GRIK1: variants seen among roughly 807,000 people sequenced by gnomAD.
The protein encoded by GRIK1 is glutamate ionotropic receptor kainate type subunit 1, also known as glutamate receptor ionotropic, kainate 1.
A neutral mutation model predicts 105.7 loss-of-function variants in GRIK1; 69 were observed. The observed-to-expected ratio is 0.65, with a 90% CI of 0.54 to 0.80. The LOEUF (loss-of-function observed/expected upper bound fraction) is 0.80, where lower values mean the gene tolerates loss of function less well. GRIK1 is among the 30% of genes least tolerant of loss of function. GRIK1 has a pLI of 0.00. For synonymous variants in GRIK1, 438 were observed against 431.3 expected (o/e 1.02, Z -0.19); for missense variants, 1,109 against 1,167.3 (o/e 0.95, Z 0.73).
At chr21:29,701,215 C>T (rs906128260) in intron 1 of GRIK1, among the ~76,000 whole-genome samples, 20 of 152,112 alleles carry the variant, frequency 1.3e-4, no homozygotes, top group African/African-American at 4.3e-4. Context: ...GCAACAGATA[C>T]GCATCTGACT....
chr21:29,702,721 C>T (rs2063836036), intron 1 of GRIK1, among the ~76,000 whole-genome samples: 1 of 152,030 alleles, frequency 6.6e-6, no homozygotes, highest in Non-Finnish European at 1.5e-5. Flanking sequence ...AAAAAACAAA[C>T]AAGAAAACAA....
intron 3 of GRIK1, among the ~76,000 whole-genome samples, chr21:29,678,026 A>G (rs2146666010): frequency 6.6e-6 from 1 of 152,318 alleles, no homozygotes; most frequent in East Asian, 1.9e-4. Context: ...TTGAGTCTTA[A>G]TCCAATTTCC....
At chr21:29,673,231 T>C in intron 3 of GRIK1, 67 bp from the exon 4 acceptor site, 1 of 1,102,606 alleles carries the variant, frequency 9.1e-7, no homozygotes, top group East Asian at 2.4e-5. Context: ...TATTGCCATT[T>C]AGTTAAACTC....
intron 12 of GRIK1, among the ~76,000 whole-genome samples, chr21:29,584,352 G>A (rs1436192094): frequency 6.6e-6 from 1 of 152,034 alleles, no homozygotes; most frequent in Non-Finnish European, 1.5e-5. Flanking sequence ...CCATTTTTAA[G>A]AAGACGAACA....
intron 11 of GRIK1, 25 bp downstream of exon 11, chr21:29,588,814 A>T (rs1894347342): frequency 8.3e-7 from 1 of 1,198,572 alleles, no homozygotes; most frequent in African/African-American, 1.5e-5. Flanking sequence ...ATATTTTCAG[A>T]TATGTTAGAA....
At chr21:29,897,567 A>G (rs1243817379) in intron 1 of GRIK1, among the ~76,000 whole-genome samples, 1 of 152,188 alleles carries the variant, frequency 6.6e-6, no homozygotes, top group Non-Finnish European at 1.5e-5. Context: ...ATTATTAGAA[A>G]ATTTTACATT....
chr21:29,864,826 A>G (rs146574787), intron 1 of GRIK1, among the ~76,000 whole-genome samples: 1 of 152,284 alleles, frequency 6.6e-6, no homozygotes, highest in East Asian at 1.9e-4. Flanking sequence ...ACTTTACCAT[A>G]CAGGAAGCTC....
intron 1 of GRIK1, among the ~76,000 whole-genome samples, chr21:29,902,857 C>G (rs1192204869): frequency 6.6e-6 from 1 of 152,152 alleles, no homozygotes; most frequent in Non-Finnish European, 1.5e-5. Flanking sequence ...AAGCTGGAGG[C>G]ATCACACTAC....
chr21:29,876,622 C>T (rs1296912205), intron 1 of GRIK1, among the ~76,000 whole-genome samples: 1 of 152,148 alleles, frequency 6.6e-6, no homozygotes, highest in African/African-American at 2.4e-5. Context: ...GGATTACACC[C>T]ACGTTATCCT....
At position 29,537,299 on chromosome 21, in the gene GRIK1, C is replaced by T. The variant is rs73897668; in HGVS notation, c.2781G>A (p.Gly927=). Residue 927 remains glycine, a synonymous_variant, in exon 18 of 18, where the codon GGG becomes GGA. Coordinates refer to ENST00000327783, the MANE Select transcript of GRIK1 (RefSeq NM_001330994.2). ...TAAGGATACTTGTGAAGGAAGATTT[C>T]CCCTTAGTTCTTGACTTTTTCTTTA... is the stretch of plus-strand genomic sequence containing the variant. ...KKIKKKSRTK[G]KSSFTSILTC... The T allele has an allele frequency of 2.0e-3, 3,224 of 1,610,680 alleles. 59 individuals are homozygous for T. In the African/African-American group the frequency reaches 0.038, roughly 19 times the overall value.
intron 1 of GRIK1, among the ~76,000 whole-genome samples, chr21:29,843,605 A>G (rs959091481): frequency 2.0e-5 from 3 of 152,136 alleles, no homozygotes; most frequent in Non-Finnish European, 4.4e-5. Flanking sequence ...ATTTTAAAGG[A>G]TTTCTTATTT....
chr21:29,731,214 A>G (rs1039614089), intron 1 of GRIK1, among the ~76,000 whole-genome samples: 3 of 152,192 alleles, frequency 2.0e-5, no homozygotes, highest in African/African-American at 4.8e-5. Context: ...ATGTTTTCCC[A>G]GGTGCTTTTC....
intron 1 of GRIK1, among the ~76,000 whole-genome samples, chr21:29,816,204 A>T (rs1219689046): frequency 1.3e-5 from 2 of 152,124 alleles, no homozygotes. Flanking sequence ...TATAATCAAC[A>T]TAATTAATTA....
intron 1 of GRIK1, among the ~76,000 whole-genome samples, chr21:29,800,347 A>G (rs2066670659): frequency 6.6e-6 from 1 of 152,154 alleles, no homozygotes; most frequent in Non-Finnish European, 1.5e-5. Context: ...TTTCTCCACC[A>G]TGTGTATGCA....
In GRIK1 at chr21:29,673,179, G is replaced by A. The variant is rs375877132; in HGVS notation, c.545-15C>T. The stretch of plus-strand genomic sequence containing the variant: ...ACGAATTAGACCTAGAAAATGACAT[G>A]CAATCATGCAATGGAGACTGTTCTG... On this transcript the variant is annotated splice_polypyrimidine_tract_variant and intron_variant, in intron 3 of 17. Coordinates refer to ENST00000327783, the MANE Select transcript of GRIK1 (RefSeq NM_001330994.2). 4 of 1,536,998 alleles carry A rather than the reference G, an allele frequency of 2.6e-6. No individual in the cohort carries two copies. The highest frequency in any genetic ancestry group is 1.4e-5 in the African/African-American group (1 of 73,478).
At chr21:29,845,806 G>C (rs1328268995) in intron 1 of GRIK1, among the ~76,000 whole-genome samples, 3 of 152,088 alleles carry the variant, frequency 2.0e-5, no homozygotes, top group Non-Finnish European at 4.4e-5. Context: ...TTAGTAGTTT[G>C]TTGAAGAATT....
chr21:29,721,537 T>A (rs1468971727), intron 1 of GRIK1, among the ~76,000 whole-genome samples: 1 of 144,650 alleles, frequency 6.9e-6, no homozygotes, highest in African/African-American at 2.6e-5. Context: ...AAAATGCAAG[T>A]GACTAAAAAG....
At chr21:29,691,763 G>A (rs897725434) in intron 2 of GRIK1, among the ~76,000 whole-genome samples, 2 of 152,192 alleles carry the variant, frequency 1.3e-5, no homozygotes, top group African/African-American at 4.8e-5. Context: ...ATATGGCTCT[G>A]TAGTTACCTG....
intron 1 of GRIK1, among the ~76,000 whole-genome samples, chr21:29,727,323 T>A (rs928736250): frequency 2.6e-5 from 4 of 152,184 alleles, no homozygotes; most frequent in Non-Finnish European, 5.9e-5. Flanking sequence ...GAGTGTTTTG[T>A]TTATCACATT....
Sources: allele counts gnomAD v4.1 joint callset (sites outside exome capture counted in the v4.1 genomes callset), GRCh38; gene constraint gnomAD v4.1.1; transcripts MANE v1.5; gene names NCBI Gene and HGNC (gene_info 2026-07-23, HGNC 2026-07-21).